ACCS: variants seen among roughly 807,000 people sequenced by gnomAD.
The protein encoded by ACCS is 1-aminocyclopropane-1-carboxylate synthase-like protein 1.
In ACCS, 42 loss-of-function variants were observed where a neutral mutation model predicts 59.8. The observed-to-expected ratio is 0.70, with a 90% CI of 0.55 to 0.91. ACCS has a LOEUF of 0.91. Among genes scored for constraint, ACCS ranks in the 40% least tolerant of loss-of-function variants. The pLI is 0.00. For synonymous variants in ACCS, 230 were observed against 240.3 expected (o/e 0.96, Z 0.40); for missense variants, 602 against 630.4 (o/e 0.95, Z 0.48).
At chr11:44,077,820 G>C (rs775277283) in intron 7 of ACCS, 25 bp from the exon 8 acceptor site, 1 of 1,610,680 alleles carries the variant, frequency 6.2e-7, no homozygotes, top group Non-Finnish European at 8.5e-7. Context: ...AATGTGGCTG[G>C]TGGCTCTGAT....
chr11:44,069,469 C>T lies in ACCS; in HGVS notation c.288+1554C>T, dbSNP rs138249565. On this transcript the variant is annotated intron_variant, in intron 2 of 14. Coordinates refer to ENST00000263776, the MANE Select transcript of ACCS (RefSeq NM_032592.4). ...TGACCTCAGGTGATCCGCCTGCCTC[C>T]GCCTCCCAAAGTGCTGGGATTACAG... Among the ~76,000 whole-genome samples, 1,197 of 152,154 alleles carry T rather than the reference C, an allele frequency of 7.9e-3. 26 individuals are homozygous for T. The highest frequency in any genetic ancestry group is 0.027 in the African/African-American group (1,138 of 41,522).
chr11:44,075,540 T>C lies in ACCS; in HGVS notation c.504T>C (p.Asn168=). ...GTCGCCCTTAGGTGGTTGTCCTGAA[T>C]GGTGGTGCCTCGCTCTTCTCTGCTC... ...PLRPENVVVL[N]GGASLFSALA... Residue 168 remains asparagine, a synonymous_variant, in exon 6 of 15, where the codon AAT becomes AAC. Coordinates refer to ENST00000263776, the MANE Select transcript of ACCS (RefSeq NM_032592.4). 1 of 1,614,166 alleles carries C rather than the reference T, an allele frequency of 6.2e-7. No homozygotes were observed. The highest frequency in any genetic ancestry group is 1.1e-5 in the South Asian group (1 of 91,088).
At chr11:44,072,048 CAG>C (rs2134830495) in intron 3 of ACCS, among the ~76,000 whole-genome samples, 1 of 152,248 alleles carries the variant, frequency 6.6e-6, no homozygotes, top group African/African-American at 2.4e-5. Flanking sequence ...GCGGCAGTGG[CAG>C]AGTTTGGGTT....
intron 2 of ACCS, among the ~76,000 whole-genome samples, chr11:44,068,943 T>G (rs1952916470): frequency 6.6e-6 from 1 of 152,206 alleles, no homozygotes; most frequent in Non-Finnish European, 1.5e-5. Flanking sequence ...GTATACTATA[T>G]GGTGGTGAGT....
At chr11:44,073,258 G>A in intron 3 of ACCS, 189 bp from the exon 4 acceptor site, 1 of 650,766 alleles carries the variant, frequency 1.5e-6, no homozygotes, top group Non-Finnish European at 2.8e-6. Flanking sequence ...TGTGACCTTG[G>A]CTGAGTGACC....
intron 9 of ACCS, 140 bp from the exon 10 acceptor site, chr11:44,079,391 G>A: frequency 1.6e-6 from 1 of 631,742 alleles, no homozygotes; most frequent in South Asian, 2.0e-5. Flanking sequence ...AAGAAAGAAT[G>A]GTGTTCTTGG....
intron 9 of ACCS, 102 bp from the exon 10 acceptor site, chr11:44,079,429 G>T: frequency 2.1e-6 from 2 of 930,510 alleles, no homozygotes; most frequent in South Asian, 1.6e-5. Flanking sequence ...CCCCGGGCTA[G>T]ACCCCGGCCC....
chr11:44,077,652 A>G (rs1953437491), intron 7 of ACCS, 193 bp from the exon 8 acceptor site: 2 of 1,438,744 alleles, frequency 1.4e-6, no homozygotes, highest in Non-Finnish European at 1.8e-6. Flanking sequence ...GACACCCAAG[A>G]GTGATGAGGG....
Position 44,067,637 on chromosome 11 carries a change from C to T in ACCS, c.10C>T (p.Leu4Phe). 1 of 1,608,024 alleles carries T rather than the reference C, an allele frequency of 6.2e-7. No homozygotes were observed. MFTLPQKDFRAPTT... is the reference protein window; with the variant it reads MFTFPQKDFRAPTT... The stretch of plus-strand genomic sequence containing the variant: ...TTTTGTCTTTTTGCAGATGTTCACC[C>T]TTCCTCAAAAGGACTTCAGGGCTCC... Residue 4 changes from leucine to phenylalanine, a missense_variant, in exon 2 of 15, where the codon CTT (leucine) becomes TTT (phenylalanine). Transcript: ENST00000263776.
rs115235650 is a variant in ACCS, at chr11:44,078,608, G to A, written c.733-76G>A. On this transcript the variant is annotated intron_variant, in intron 8 of 14. Transcript: ENST00000263776. ...CAAATCTCCCTGGGAGCCTTCCAGC[G>A]ATCAGCCCCCTTTGACTGTGTGGCT... is the stretch of plus-strand genomic sequence containing the variant. The A allele has an allele frequency of 7.7e-4, 1,023 of 1,326,814 alleles. 8 individuals are homozygous for A. The African/African-American group carries it at 0.013, about 17-fold the overall frequency. The allele number at this position is 1,326,814 out of a possible 1,614,324, so 82.2% of individuals were successfully genotyped here.
chr11:44,075,037 T>C (rs1953285840), intron 5 of ACCS, among the ~76,000 whole-genome samples: 1 of 151,862 alleles, frequency 6.6e-6, no homozygotes, highest in African/African-American at 2.4e-5. Flanking sequence ...TTGGTCAGGC[T>C]GGTCTCGAAC....
At chr11:44,074,748 CTTTCTTTCTTT>C in intron 5 of ACCS, 67 bp downstream of exon 5, 1 of 386,544 alleles carries the variant, frequency 2.6e-6, no homozygotes, top group Non-Finnish European at 4.0e-6. Flanking sequence ...TTCTTTCTTT[CTTTCTTTCTTT>C]CTTTCTTTCT....
rs188070248 is a variant in ACCS at position 44,077,702 on chromosome 11, A to T, written c.655-143A>T. 2,459 of 1,459,158 alleles carry T rather than the reference A, an allele frequency of 1.7e-3. 7 individuals carry two copies. Among genetic ancestry groups the T allele is most frequent in the Middle Eastern group, 2.1e-3 (10 of 4,760 alleles). The allele number at this position is 1,459,158 out of a possible 1,614,324, so 90.4% of individuals were successfully genotyped here. On this transcript the variant is annotated intron_variant, in intron 7 of 14. Transcript: ENST00000263776. Reference sequence around the variant, plus strand: ...TGGGTTGGGGGTGGATGGCAGTAAGAGGGAGGGACCCCACCTGCTTTTCCA... The same window carrying T: ...TGGGTTGGGGGTGGATGGCAGTAAGTGGGAGGGACCCCACCTGCTTTTCCA...
intron 2 of ACCS, 89 bp from the exon 3 acceptor site, chr11:44,071,167 C>T: frequency 2.9e-6 from 4 of 1,390,550 alleles, no homozygotes; most frequent in Non-Finnish European, 4.1e-6. Flanking sequence ...AGAGCTCCCA[C>T]TTTGCTTTGC....
At chr11:44,080,741 G>A in intron 10 of ACCS, 4 of 513,158 alleles carry the variant, frequency 7.8e-6, no homozygotes, top group Non-Finnish European at 1.4e-5. Context: ...AAGTCTCTTT[G>A]ATGAGTGACA....
At position 44,067,562 on chromosome 11, in the gene ACCS, C is replaced by T. The variant is rs1397329687; in HGVS notation, c.1-66C>T. ...AGAAAGGGGACTCCCATGACTCCAA[C>T]TCCTTTCTGATGCTTGGTGCTATGG... On this transcript the variant is annotated intron_variant, in intron 1 of 14. Transcript: ENST00000263776. The T allele has an allele frequency of 2.0e-6, 3 of 1,506,104 alleles. No homozygotes were observed. The African/African-American group carries it at 4.2e-5, about 21-fold the overall frequency. The allele number at this position is 1,506,104 out of a possible 1,614,324, so 93.3% of individuals were successfully genotyped here.
At chr11:44,077,082 G>T (rs1953398626) in intron 6 of ACCS, among the ~76,000 whole-genome samples, 197 bp from the exon 7 acceptor site, 1 of 152,176 alleles carries the variant, frequency 6.6e-6, no homozygotes, top group African/African-American at 2.4e-5. Flanking sequence ...TTTGGGTGGG[G>T]ACACAGCCAA....
chr11:44,083,696 G>A lies in ACCS; in HGVS notation c.1410G>A (p.Gly470=), dbSNP rs1342953547. The change falls in exon 15 of 15, where the codon GGG becomes GGA. Residue 470 remains glycine (G), a splice_region_variant and synonymous_variant. Transcript: ENST00000263776. The part of the protein sequence containing the change: ...FSDQVHRLCL[G]MQRVQQVLAG... ...TGGCCCCTCACTTCCCCTTCCCAGG[G>A]ATGCAGAGGGTCCAGCAGGTGCTTG... 6.2e-7 allele frequency: 1 copy of A among 1,614,128 alleles called. No individual in the cohort carries two copies. Among genetic ancestry groups the A allele is most frequent in the South Asian group, 1.1e-5 (1 of 91,078 alleles).
chr11:44,067,685 T>A lies in ACCS; in HGVS notation c.58T>A (p.Cys20Ser), dbSNP rs141016787. Reference protein sequence around the residue: ...RAPTTCLGPTCMQDLGSSHGE... With the variant: ...RAPTTCLGPTSMQDLGSSHGE... Reference sequence around the variant, plus strand: ...TCCCACCACCTGTCTGGGCCCCACCTGCATGCAGGACCTGGGCAGTAGCCA... The same window carrying A: ...TCCCACCACCTGTCTGGGCCCCACCAGCATGCAGGACCTGGGCAGTAGCCA... Residue 20 changes from cysteine (C) to serine (S), a missense_variant, in exon 2 of 15, where the codon TGC (cysteine) becomes AGC (serine). By Grantham distance (112) the Cys-to-Ser change is moderately radical. Coordinates refer to ENST00000263776, the MANE Select transcript of ACCS (RefSeq NM_032592.4). 1 of 1,614,158 alleles carries A rather than the reference T, an allele frequency of 6.2e-7. No homozygotes were observed. Among genetic ancestry groups the A allele is most frequent in the Non-Finnish European group, 8.5e-7 (1 of 1,180,008 alleles).
Sources: allele counts gnomAD v4.1 joint callset (sites outside exome capture counted in the v4.1 genomes callset), GRCh38; gene constraint gnomAD v4.1.1; transcripts MANE v1.5; gene names NCBI Gene and HGNC (gene_info 2026-07-23, HGNC 2026-07-21).